RICTOR: variants seen among roughly 807,000 people sequenced by gnomAD.
RICTOR encodes the protein RPTOR independent companion of MTOR complex 2, also known as rapamycin-insensitive companion of mTOR.
In RICTOR, 49 loss-of-function variants were observed where a neutral mutation model predicts 214.9. The ratio of observed to expected loss-of-function variants is 0.23; its 90% confidence interval spans 0.18 to 0.29. RICTOR has a LOEUF of 0.29. Among genes scored for constraint, RICTOR ranks in the 10% least tolerant of loss-of-function variants. The probability of loss-of-function intolerance (pLI) is 1.00; values close to 1 mark genes in which losing one functional copy is unlikely to be tolerated. For synonymous variants in RICTOR, 717 were observed against 711.3 expected, an observed-to-expected ratio of 1.01 and a Z score of -0.13; for missense variants, 1,625 against 2,047.0, an observed-to-expected ratio of 0.79 and a Z score of 3.98.
chr5:38,999,027 C>CAAAAAAAAAA (rs1186312478), intron 5 of RICTOR, among the ~76,000 whole-genome samples: 9 of 25,332 alleles, frequency 3.6e-4, no homozygotes, highest in Admixed American at 1.5e-3. Context: ...AACAAACAGG[C>CAAAAAAAAAA]AAAAAAAAAA....
At chr5:38,956,997 T>C (rs1328992961) in intron 25 of RICTOR, among the ~76,000 whole-genome samples, 1 of 152,122 alleles carries the variant, frequency 6.6e-6, no homozygotes, top group Admixed American at 6.6e-5. Flanking sequence ...TCTGAAATGA[T>C]GAAAAATCTA....
intron 7 of RICTOR, among the ~76,000 whole-genome samples, chr5:38,982,798 A>T (rs1354154652): frequency 5.9e-5 from 1 of 17,020 alleles, no homozygotes; most frequent in Non-Finnish European, 1.7e-4. Flanking sequence ...ACATATATAT[A>T]CACATACATA....
chr5:39,013,346 C>A (rs992467793), intron 3 of RICTOR, among the ~76,000 whole-genome samples: 1 of 152,050 alleles, frequency 6.6e-6, no homozygotes, highest in Non-Finnish European at 1.5e-5. Flanking sequence ...CTATTAAAAT[C>A]CATGTCCATC....
At chr5:39,037,022 C>T (rs1235500926) in intron 2 of RICTOR, among the ~76,000 whole-genome samples, 1 of 152,168 alleles carries the variant, frequency 6.6e-6, no homozygotes, top group Admixed American at 6.5e-5. Flanking sequence ...ACATTCTTTT[C>T]AGCACCACAC....
chr5:38,946,442 C>T, intron 33 of RICTOR, 26 bp downstream of exon 33: 2 of 1,449,306 alleles, frequency 1.4e-6, no homozygotes, highest in Non-Finnish European at 1.9e-6. Flanking sequence ...AGAGGCATCT[C>T]ACAAGTACAA....
chr5:38,942,772 T>C lies in RICTOR; in HGVS notation c.5052+61A>G, dbSNP rs1317524843. ...CACCCAGCTATAATCTGTATTTTAATTCAATTCAAACACAGAATTATTCTT... is the reference window on the plus strand; with the variant it reads ...CACCCAGCTATAATCTGTATTTTAACTCAATTCAAACACAGAATTATTCTT... On this transcript the variant is annotated intron_variant, in intron 37 of 37. Coordinates refer to ENST00000357387, the MANE Select transcript of RICTOR (RefSeq NM_152756.5). 2.2e-6 allele frequency: 3 copies of C among 1,361,724 alleles called. No individual in the cohort carries two copies. The African/African-American group carries it at 4.3e-5, about 19-fold the overall frequency. 84.4% of individuals were successfully genotyped at this position (1,361,724 alleles called of 1,614,324 possible). A position where few individuals can be genotyped will look rare whatever the true frequency, so the allele number is the denominator to read the frequency against.
rs1219662214 is a variant in RICTOR, at chr5:38,996,802, T to C, written c.456+17A>G. On this transcript the variant is annotated intron_variant, in intron 6 of 37. Coordinates refer to ENST00000357387, the MANE Select transcript of RICTOR (RefSeq NM_152756.5). ...AAAACCATAAATTTGCCTTTTACTCTCACACATAGAGCATACCTTTCTGAC... is the reference window on the plus strand; with the variant it reads ...AAAACCATAAATTTGCCTTTTACTCCCACACATAGAGCATACCTTTCTGAC... 6.4e-7 allele frequency: 1 copy of C among 1,555,028 alleles called. No individual in the cohort carries two copies. Among genetic ancestry groups the C allele is most frequent in the East Asian group, 2.3e-5 (1 of 43,930 alleles).
chr5:38,943,081 T>C, intron 36 of RICTOR, 110 bp from the exon 37 acceptor site: 1 of 671,058 alleles, frequency 1.5e-6, no homozygotes, highest in Non-Finnish European at 2.5e-6. Flanking sequence ...ATGGATTAGA[T>C]GGCATACTTG....
intron 6 of RICTOR, among the ~76,000 whole-genome samples, chr5:38,995,707 G>A (rs1385172462): frequency 6.6e-6 from 1 of 151,754 alleles, no homozygotes; most frequent in Non-Finnish European, 1.5e-5. Context: ...CCAAAAAATT[G>A]TTCTAGGTTC....
At chr5:39,031,544 C>T (rs956073464) in intron 2 of RICTOR, among the ~76,000 whole-genome samples, 1 of 152,094 alleles carries the variant, frequency 6.6e-6, no homozygotes, top group Admixed American at 6.6e-5. Context: ...GCTTATATTG[C>T]CTCTCTTTCT....
chr5:39,020,038 C>G (rs961627583), intron 3 of RICTOR, among the ~76,000 whole-genome samples: 2 of 152,006 alleles, frequency 1.3e-5, no homozygotes, highest in African/African-American at 2.4e-5. Context: ...GAAGAAATAG[C>G]AAGAGAACTA....
chr5:39,004,661 T>C (rs936391922), intron 3 of RICTOR, among the ~76,000 whole-genome samples: 8 of 151,188 alleles, frequency 5.3e-5, no homozygotes, highest in African/African-American at 1.7e-4. Context: ...AGTTTCACCA[T>C]GTTGGCCAGG....
chr5:39,000,504 A>G lies in RICTOR; in HGVS notation c.392+2031T>C, dbSNP rs151045289. On this transcript the variant is annotated intron_variant, in intron 5 of 37. Coordinates refer to ENST00000357387, the MANE Select transcript of RICTOR (RefSeq NM_152756.5). The stretch of plus-strand genomic sequence containing the variant: ...TATTTAAAGAATGCAAACTAGGAAT[A>G]TAAAGAAAATCTAGTAAAAGCTTAT... Among the ~76,000 whole-genome samples the G allele has an allele frequency of 7.9e-3, 1,208 of 152,170 alleles. 5 individuals carry two copies. Among genetic ancestry groups the G allele is most frequent in the Non-Finnish European group, 0.012 (812 of 67,868 alleles).
At chr5:39,024,278 A>G (rs1755645182) in intron 2 of RICTOR, among the ~76,000 whole-genome samples, 1 of 152,154 alleles carries the variant, frequency 6.6e-6, no homozygotes, top group Non-Finnish European at 1.5e-5. Context: ...CAGGGGCTAG[A>G]GACTTCTGGT....
chr5:38,983,988 A>G (rs1465814073), intron 7 of RICTOR, among the ~76,000 whole-genome samples: 1 of 152,140 alleles, frequency 6.6e-6, no homozygotes, highest in Non-Finnish European at 1.5e-5. Flanking sequence ...AAACAAAACA[A>G]AAGAAAGAAA....
chr5:38,999,765 C>G lies in RICTOR; in HGVS notation c.392+2770G>C, dbSNP rs78591289. ...ACAAATAATTACATTAGACAAAGTC[C>G]ATAAATCATGCACATAATAAACCAC... On this transcript the variant is annotated intron_variant, in intron 5 of 37. Coordinates refer to ENST00000357387, the MANE Select transcript of RICTOR (RefSeq NM_152756.5). Among the ~76,000 whole-genome samples, 912 of 151,948 alleles carry G rather than the reference C, an allele frequency of 6.0e-3. 13 individuals carry two copies. The highest frequency in any genetic ancestry group is 0.019 in the African/African-American group (800 of 41,464).
rs772370788 is a variant in RICTOR at position 38,996,840 on chromosome 5, T to C, written c.435A>G (p.Gln145=). The C allele has an allele frequency of 6.2e-7, 1 of 1,610,724 alleles. No homozygotes were observed. Among genetic ancestry groups the C allele is most frequent in the South Asian group, 1.1e-5 (1 of 90,998 alleles). Residue 145 remains glutamine (Q), a synonymous_variant, in exon 6 of 38, where the codon CAA becomes CAG. Coordinates refer to ENST00000357387, the MANE Select transcript of RICTOR (RefSeq NM_152756.5). The stretch of plus-strand genomic sequence containing the variant: ...ATACCTTTCTGACTAATCGAAGTGC[T>C]TGTGTCCTCTCTACCTCGTTGCTCT... ...IQQSNEVERT[Q]ALRLVRKMIT...
intron 3 of RICTOR, among the ~76,000 whole-genome samples, chr5:39,012,736 C>A (rs947799720): frequency 6.6e-6 from 1 of 152,036 alleles, no homozygotes; most frequent in Non-Finnish European, 1.5e-5. Flanking sequence ...AAAGACTTTA[C>A]AAAATGTTAA....
chr5:38,976,945 A>G (rs1475186284), intron 9 of RICTOR, among the ~76,000 whole-genome samples: 1 of 152,206 alleles, frequency 6.6e-6, no homozygotes, highest in Non-Finnish European at 1.5e-5. Context: ...CAGCGCTATG[A>G]CTGTGACTAT....
Sources: allele counts gnomAD v4.1 joint callset (sites outside exome capture counted in the v4.1 genomes callset), GRCh38; gene constraint gnomAD v4.1.1; transcripts MANE v1.5; gene names NCBI Gene and HGNC (gene_info 2026-07-23, HGNC 2026-07-21).